S1PR3: variants seen among roughly 807,000 people sequenced by gnomAD.
The protein encoded by S1PR3 is sphingosine 1-phosphate receptor 3.
In S1PR3, 12 loss-of-function variants were observed where a neutral mutation model predicts 13.3. The ratio of observed to expected loss-of-function variants is 0.90; its 90% CI spans 0.58 to 1.46. The LOEUF (loss-of-function observed/expected upper bound fraction) is 1.46, where lower values mean the gene tolerates loss of function less well. Ranked by LOEUF, S1PR3 falls within the 40% of genes most tolerant of loss-of-function variation. S1PR3 has a pLI of 0.00. For missense variants in S1PR3, 450 were observed against 501.9 expected (o/e 0.90, Z 0.99); for synonymous variants, 232 against 214.0 (o/e 1.08, Z -0.73).
At chr9:88,999,994 T>TA (rs1825848437) in intron 1 of S1PR3, 2 of 152,236 alleles carry the variant, frequency 1.3e-5, no homozygotes, top group African/African-American at 4.8e-5. Context: ...AGAGCAACAC[T>TA]GTGTCTCAAA....
chr9:89,002,665 C>A lies in S1PR3; in HGVS notation c.*328C>A. On this transcript the variant is annotated 3_prime_UTR_variant, in exon 2 of 2. Coordinates refer to ENST00000358157, the MANE Select transcript of S1PR3 (RefSeq NM_005226.4). ...GCCACACAATGCTGTGTGACCCTCT[C>A]CGTGTGCCTCTGAATGGTGTTTTGA... is the stretch of plus-strand genomic sequence containing the variant. 1 of 374,538 alleles carries A rather than the reference C, an allele frequency of 2.7e-6. No individual in the cohort carries two copies. The highest frequency in any genetic ancestry group is 4.9e-5 in the South Asian group (1 of 20,458). The allele number at this position is 374,538 out of a possible 1,614,324, so 23.2% of individuals were successfully genotyped here.
upstream of S1PR3, chr9:88,991,162 G>A (rs1168123146): frequency 6.2e-7 from 1 of 1,608,338 alleles, no homozygotes; most frequent in Non-Finnish European, 8.5e-7. The surrounding 1 kb of genome is among the most constrained non-coding windows in gnomAD (Gnocchi z 4.0). Context: ...TTCTGCACCT[G>A]GAGCTCGCCC....
In S1PR3 at chr9:89,001,260, G is replaced by A. The variant is rs781387749; in HGVS notation, c.60G>A (p.Glu20=). ...TGCGGGGGAACGAGACCCTGCGGGA[G>A]CATTACCAGTACGTGGGGAAGTTGG... ...QPVRGNETLR[E]HYQYVGKLAG... Residue 20 remains glutamate, a synonymous_variant, in exon 2 of 2, where the codon GAG becomes GAA. Coordinates refer to ENST00000358157, the MANE Select transcript of S1PR3 (RefSeq NM_005226.4). 5.0e-6 allele frequency: 8 copies of A among 1,614,074 alleles called. No individual in the cohort carries two copies. Among genetic ancestry groups the A allele is most frequent in the Non-Finnish European group, 5.9e-6 (7 of 1,180,050 alleles).
rs745309887 is a variant in S1PR3 at position 88,991,777 on chromosome 9, A to C, written c.-148+82A>C. ...GACCCACCTTTCCAACAAAATCCCC[A>C]CCGATCCCGGGCGCGACGGGGACTT... On this transcript the variant is annotated intron_variant, in intron 1 of 1. Coordinates refer to ENST00000358157, the MANE Select transcript of S1PR3 (RefSeq NM_005226.4). This position sits in a 1 kb window ranked among gnomAD's most constrained non-coding sequence, Gnocchi z 4.0. The C allele has an allele frequency of 6.3e-7, 1 of 1,580,522 alleles. No individual in the cohort carries two copies. The highest frequency in any genetic ancestry group is 1.3e-5 in the African/African-American group (1 of 74,104).
Position 89,001,126 on chromosome 9 carries a change from G to T in S1PR3, c.-75G>T. 1.3e-6 allele frequency: 2 copies of T among 1,535,938 alleles called. No individual in the cohort carries two copies. The highest frequency in any genetic ancestry group is 2.7e-5 in the African/African-American group (2 of 73,264). ...TGAATGAAGCCGGAACCTCAGCCCC[G>T]CTTCCCTTTGAAATGAATGTTCCTG... On this transcript the variant is annotated 5_prime_UTR_variant, in exon 2 of 2. Transcript: ENST00000358157.
chr9:89,003,759 AT>A lies in S1PR3; in HGVS notation c.*1426del, dbSNP rs1461212883. 1 of 166,308 alleles carries A rather than the reference AT, an allele frequency of 6.0e-6. No homozygotes were observed. Among genetic ancestry groups the A allele is most frequent in the Non-Finnish European group, 1.5e-5 (1 of 68,122 alleles). 10.3% of individuals were successfully genotyped at this position (166,308 alleles called of 1,614,324 possible). A position where few individuals can be genotyped will look rare whatever the true frequency, so the allele number is the denominator to read the frequency against. Reference sequence around the variant, plus strand: ...ACCTCCCATCAGAGTCCCCTAAAGTATTTTAGGTTCAGTGAGCATTTGCCTG... The same window carrying A: ...ACCTCCCATCAGAGTCCCCTAAAGTATTTAGGTTCAGTGAGCATTTGCCTG... On this transcript the variant is annotated 3_prime_UTR_variant, in exon 2 of 2. Transcript: ENST00000358157.
At chr9:88,999,220 C>T (rs1825840745) in intron 1 of S1PR3, 1 of 153,144 alleles carries the variant, frequency 6.5e-6, no homozygotes, top group Non-Finnish European at 1.5e-5. Context: ...GCACAGACGT[C>T]AGCTCAGACA....
chr9:88,992,778 ATGTGTG>A (rs141754825), intron 1 of S1PR3: 3 of 149,846 alleles, frequency 2.0e-5, no homozygotes, highest in African/African-American at 4.9e-5. Context: ...GGTGCGGGGC[ATGTGTG>A]TGTGTGTGTG....
In S1PR3 at chr9:88,991,704, C is replaced by G; in HGVS notation, c.-148+9C>G. The G allele has an allele frequency of 6.6e-7, 1 of 1,520,868 alleles. No individual in the cohort carries two copies. The highest frequency in any genetic ancestry group is 8.8e-7 in the Non-Finnish European group (1 of 1,133,150). 94.2% of individuals were successfully genotyped at this position (1,520,868 alleles called of 1,614,324 possible). A position where few individuals can be genotyped will look rare whatever the true frequency, so the allele number is the denominator to read the frequency against. ...GCCCTCAGCCGACGGAGGTGAGAGG[C>G]GGGCCCGGGCGGGGCGCGGAACCAG... is the stretch of plus-strand genomic sequence containing the variant. On this transcript the variant is annotated intron_variant, in intron 1 of 1. Transcript: ENST00000358157. The surrounding 1 kb of genome is among the most constrained non-coding windows in gnomAD (Gnocchi z 4.0).
upstream of S1PR3, chr9:88,991,131 C>T (rs1370712458): frequency 6.2e-7 from 1 of 1,611,698 alleles, no homozygotes; most frequent in Non-Finnish European, 8.5e-7. This position sits in a 1 kb window ranked among gnomAD's most constrained non-coding sequence, Gnocchi z 4.0. Context: ...CCTGTTCCCG[C>T]TGGGTCTCTG....
At chr9:88,991,252 G>A (rs1004131740), upstream of S1PR3, 2 of 1,551,802 alleles carry the variant, frequency 1.3e-6, no homozygotes, top group African/African-American at 2.7e-5. The surrounding 1 kb of genome is among the most constrained non-coding windows in gnomAD (Gnocchi z 4.0). Flanking sequence ...GTAGGGTCGG[G>A]GAGAAGGGGT....
chr9:88,991,800 C>G lies in S1PR3; in HGVS notation c.-148+105C>G, dbSNP rs1564056662. The G allele has an allele frequency of 6.2e-7, 1 of 1,604,598 alleles. No homozygotes were observed. On this transcript the variant is annotated intron_variant, in intron 1 of 1. Coordinates refer to ENST00000358157, the MANE Select transcript of S1PR3 (RefSeq NM_005226.4). The surrounding 1 kb of genome is among the most constrained non-coding windows in gnomAD (Gnocchi z 4.0). ...CCACCGATCCCGGGCGCGACGGGGA[C>G]TTGGGCGCGCCACGGCGGCCGGAGC...
Position 89,001,129 on chromosome 9 carries a change from T to TC in S1PR3, c.-69dup. 1 of 1,544,032 alleles carries TC rather than the reference T, an allele frequency of 6.5e-7. No individual in the cohort carries two copies. The highest frequency in any genetic ancestry group is 8.8e-7 in the Non-Finnish European group (1 of 1,136,754). On this transcript the variant is annotated 5_prime_UTR_variant, in exon 2 of 2. An upstream open reading frame in the 5' UTR loses its in-frame stop. Transcript: ENST00000358157. The stretch of plus-strand genomic sequence containing the variant: ...ATGAAGCCGGAACCTCAGCCCCGCT[T>TC]CCCTTTGAAATGAATGTTCCTGGGG...
chr9:88,991,824 G>T lies in S1PR3; in HGVS notation c.-148+129G>T, dbSNP rs753648307. On this transcript the variant is annotated intron_variant, in intron 1 of 1. Coordinates refer to ENST00000358157, the MANE Select transcript of S1PR3 (RefSeq NM_005226.4). This position sits in a 1 kb window ranked among gnomAD's most constrained non-coding sequence, Gnocchi z 4.0. ...ACTTGGGCGCGCCACGGCGGCCGGA[G>T]CGCTCCACATCAGCACCCCTCCCCC... is the stretch of plus-strand genomic sequence containing the variant. The T allele has an allele frequency of 6.2e-7, 1 of 1,611,364 alleles. No individual in the cohort carries two copies. Among genetic ancestry groups the T allele is most frequent in the Non-Finnish European group, 8.5e-7 (1 of 1,178,740 alleles).
chr9:89,001,865 T>C lies in S1PR3; in HGVS notation c.665T>C (p.Val222Ala). The change falls in exon 2 of 2, where the codon GTG becomes GCG. Residue 222 changes from valine (V) to alanine (A), a missense_variant. Physicochemically the swap from Val to Ala is moderately conservative, Grantham distance 64. Coordinates refer to ENST00000358157, the MANE Select transcript of S1PR3 (RefSeq NM_005226.4). ...CTCTACGCACGCATCTACTTCCTGG[T>C]GAAGTCCAGCAGCCGTAAGGTGGCC... is the stretch of plus-strand genomic sequence containing the variant. The part of the protein sequence containing the change: ...VILYARIYFL[V>A]KSSSRKVANH... 6.2e-7 allele frequency: 1 copy of C among 1,614,154 alleles called. No homozygotes were observed. Among genetic ancestry groups the C allele is most frequent in the Non-Finnish European group, 8.5e-7 (1 of 1,180,018 alleles).
At chr9:89,000,598 A>T (rs1042083509) in intron 1 of S1PR3, 3 of 155,042 alleles carry the variant, frequency 1.9e-5, no homozygotes, top group African/African-American at 7.2e-5. Context: ...CCACGATGTC[A>T]CTGTAAAACT....
chr9:88,991,322 C>A, upstream of S1PR3: 1 of 1,314,908 alleles, frequency 7.6e-7, no homozygotes, highest in Non-Finnish European at 9.9e-7. The surrounding 1 kb of genome is among the most constrained non-coding windows in gnomAD (Gnocchi z 4.0). Flanking sequence ...AGGTGGGGAG[C>A]TGGAGGAGTG....
Position 89,004,402 on chromosome 9 carries a change from A to AAATAATAAT in S1PR3, c.*2074_*2082dup. 1 of 161,584 alleles carries AAATAATAAT rather than the reference A, an allele frequency of 6.2e-6. No individual in the cohort carries two copies. The highest frequency in any genetic ancestry group is 1.5e-5 in the Non-Finnish European group (1 of 68,090). The allele number at this position is 161,584 out of a possible 1,614,324, so 10.0% of individuals were successfully genotyped here. On this transcript the variant is annotated 3_prime_UTR_variant, in exon 2 of 2. Coordinates refer to ENST00000358157, the MANE Select transcript of S1PR3 (RefSeq NM_005226.4). ...TGACAGAGCGACCCTCTGTCTCAAA[A>AAATAATAAT]AATAATAATAATAATAAATAAAACA...
Position 89,001,789 on chromosome 9 carries a change from A to C in S1PR3, c.589A>C (p.Ile197Leu). Residue 197 changes from isoleucine (I) to leucine (L), a missense_variant, in exon 2 of 2, where the codon ATT becomes CTT. Physicochemically the swap from Ile to Leu is conservative, Grantham distance 5 (BLOSUM62 2). Transcript: ENST00000358157. Reference protein sequence around the residue: ...TILPLYSKKYIAFCISIFTAI... With the variant: ...TILPLYSKKYLAFCISIFTAI... Reference sequence around the variant, plus strand: ...CCTGCCCCTCTACTCCAAGAAGTACATTGCCTTCTGCATCAGCATCTTCAC... The same window carrying C: ...CCTGCCCCTCTACTCCAAGAAGTACCTTGCCTTCTGCATCAGCATCTTCAC... The C allele has an allele frequency of 6.2e-7, 1 of 1,614,204 alleles. No individual in the cohort carries two copies. Among genetic ancestry groups the C allele is most frequent in the African/African-American group, 1.3e-5 (1 of 75,042 alleles).
Sources: allele counts gnomAD v4.1 joint callset, GRCh38; gene constraint gnomAD v4.1.1; non-coding constraint Gnocchi (gnomAD v3.1); transcripts MANE v1.5; gene names NCBI Gene and HGNC (gene_info 2026-07-23, HGNC 2026-07-21).